SPAG16: variants seen among roughly 807,000 people sequenced by gnomAD.
SPAG16 encodes sperm associated antigen 16.
A neutral mutation model predicts 80.4 loss-of-function variants in SPAG16; 86 were observed. That is an observed-to-expected ratio of 1.07 (90% CI 0.90 to 1.28). SPAG16 has a LOEUF of 1.28. Ranked by LOEUF, SPAG16 falls within the 50% of genes most tolerant of loss-of-function variation. SPAG16 has a pLI of 0.00. For missense variants in SPAG16, 870 were observed against 765.3 expected (o/e 1.14, Z -1.61); for synonymous variants, 294 against 265.9 (o/e 1.11, Z -1.03).
At chr2:213,889,656 C>T (rs1458263106) in intron 11 of SPAG16, among the ~76,000 whole-genome samples, 1 of 148,906 alleles carries the variant, frequency 6.7e-6, no homozygotes, top group African/African-American at 2.5e-5. Flanking sequence ...CACATATATA[C>T]ATATACATAT....
At chr2:213,798,558 T>C (rs775753113) in intron 10 of SPAG16, among the ~76,000 whole-genome samples, 1 of 152,144 alleles carries the variant, frequency 6.6e-6, no homozygotes, top group Non-Finnish European at 1.5e-5. Context: ...ACCCGGCCTC[T>C]GTGGAATGTT....
intron 15 of SPAG16, among the ~76,000 whole-genome samples, chr2:214,194,293 A>G (rs2057761555): frequency 6.6e-6 from 1 of 152,130 alleles, no homozygotes; most frequent in Admixed American, 6.6e-5. Context: ...TACCTAGATC[A>G]TAATAGTCAT....
chr2:213,353,426 T>C (rs1162169368), intron 7 of SPAG16, among the ~76,000 whole-genome samples: 1 of 152,226 alleles, frequency 6.6e-6, no homozygotes, highest in African/African-American at 2.4e-5. Flanking sequence ...AGATATACCT[T>C]TTTCAGTCCA....
intron 10 of SPAG16, among the ~76,000 whole-genome samples, chr2:213,805,871 G>T (rs538062237): frequency 6.6e-6 from 1 of 152,064 alleles, no homozygotes; most frequent in Non-Finnish European, 1.5e-5. Flanking sequence ...AATGCCTAAG[G>T]CATGGTAAAA....
chr2:213,401,781 T>G (rs767951096), intron 9 of SPAG16, among the ~76,000 whole-genome samples: 5 of 152,152 alleles, frequency 3.3e-5, no homozygotes, highest in Non-Finnish European at 7.4e-5. Context: ...ATTTTTTGCT[T>G]TATGTTAATT....
rs180960179 is a variant in SPAG16 at position 213,902,157 on chromosome 2, T to C, written c.1215-27803T>C. 7.2e-4 allele frequency among the ~76,000 whole-genome samples: 109 copies of C among 152,254 alleles called. 1 individual carries two copies. The highest frequency in any genetic ancestry group is 8.8e-5 in the Non-Finnish European group (6 of 68,020). On this transcript the variant is annotated intron_variant, in intron 11 of 15. Coordinates refer to ENST00000331683, the MANE Select transcript of SPAG16 (RefSeq NM_024532.5). ...GTAAGAACTGGATTCAGGCAGAAAA[T>C]GGAGCCTAAGTTAAAGGCATTTATT...
chr2:213,697,450 C>T (rs2125313662), intron 10 of SPAG16, among the ~76,000 whole-genome samples: 1 of 152,210 alleles, frequency 6.6e-6, no homozygotes, highest in Non-Finnish European at 1.5e-5. Context: ...ATTCAGATTC[C>T]AATCTCTGGA....
At chr2:214,054,193 A>G (rs754751669) in intron 13 of SPAG16, among the ~76,000 whole-genome samples, 1 of 152,096 alleles carries the variant, frequency 6.6e-6, no homozygotes, top group Non-Finnish European at 1.5e-5. Context: ...TATCTTTAGT[A>G]TAGACGGGGT....
At chr2:213,503,139 A>G (rs1287298330) in intron 10 of SPAG16, among the ~76,000 whole-genome samples, 1 of 152,176 alleles carries the variant, frequency 6.6e-6, no homozygotes, top group East Asian at 1.9e-4. Flanking sequence ...GAAGTCCACA[A>G]AACATTCTAA....
chr2:213,365,356 A>T (rs771038531), intron 8 of SPAG16: 11 of 152,246 alleles, frequency 7.2e-5, no homozygotes, highest in Non-Finnish European at 1.2e-4. Flanking sequence ...AATGGAAAAT[A>T]CTAATAAGTG....
intron 9 of SPAG16, among the ~76,000 whole-genome samples, chr2:213,449,021 T>G: frequency 6.6e-6 from 1 of 152,162 alleles, no homozygotes; most frequent in East Asian, 1.9e-4. Context: ...AGGAGAGATA[T>G]CATCAAATTC....
intron 11 of SPAG16, among the ~76,000 whole-genome samples, chr2:213,917,008 A>G (rs1259166573): frequency 6.6e-6 from 1 of 152,032 alleles, no homozygotes; most frequent in Non-Finnish European, 1.5e-5. Context: ...AATCTTTTGC[A>G]TCTGGCTAGC....
chr2:213,343,362 C>T (rs1020690600), intron 6 of SPAG16, among the ~76,000 whole-genome samples: 1 of 152,034 alleles, frequency 6.6e-6, no homozygotes, highest in Non-Finnish European at 1.5e-5. Context: ...TTGAAAAACT[C>T]GAGCTGATTC....
intron 13 of SPAG16, among the ~76,000 whole-genome samples, chr2:214,045,373 T>A (rs1403234162): frequency 6.6e-6 from 1 of 152,176 alleles, no homozygotes; most frequent in African/African-American, 2.4e-5. Context: ...TCTTGGGCCC[T>A]GAATAATCAG....
chr2:214,136,314 C>A (rs1437293099), intron 14 of SPAG16, among the ~76,000 whole-genome samples: 7 of 152,098 alleles, frequency 4.6e-5, no homozygotes, highest in Admixed American at 1.3e-4. Context: ...CAATTCCGAG[C>A]CTGTGTTTTG....
intron 13 of SPAG16, among the ~76,000 whole-genome samples, chr2:214,078,172 G>T (rs976078483): frequency 6.6e-6 from 1 of 152,114 alleles, no homozygotes; most frequent in East Asian, 1.9e-4. Context: ...AAGGCACAGG[G>T]GAGCTTGTTT....
At chr2:214,395,842 T>C (rs1701335330) in intron 15 of SPAG16, among the ~76,000 whole-genome samples, 1 of 152,188 alleles carries the variant, frequency 6.6e-6, no homozygotes, top group Non-Finnish European at 1.5e-5. Flanking sequence ...TCCATCCATG[T>C]TGCTGCAAAG....
intron 15 of SPAG16, among the ~76,000 whole-genome samples, chr2:214,333,475 C>A (rs942220579): frequency 1.3e-5 from 2 of 152,210 alleles, no homozygotes; most frequent in African/African-American, 2.4e-5. Flanking sequence ...ATTCGATCAT[C>A]CTCCTTGCTT....
intron 15 of SPAG16, among the ~76,000 whole-genome samples, chr2:214,275,911 T>C (rs1184311089): frequency 1.3e-5 from 2 of 152,176 alleles, no homozygotes; most frequent in African/African-American, 2.4e-5. Flanking sequence ...TCTCCCATTA[T>C]TATTGTGTGG....
Sources: gnomAD v4.1 joint callset for allele counts (sites outside exome capture counted in the v4.1 genomes callset) on GRCh38, gnomAD v4.1.1 for gene constraint, MANE v1.5 for transcripts, NCBI Gene and HGNC (gene_info 2026-07-23, HGNC 2026-07-21) for gene names.